The following RABGAP1L variants were observed in gnomAD, a reference collection of about 807,000 sequenced individuals.
The protein encoded by RABGAP1L is rab GTPase-activating protein 1-like.
A neutral mutation model predicts 137.7 loss-of-function variants in RABGAP1L; 63 were observed. The ratio of observed to expected loss-of-function variants is 0.46; its 90% CI spans 0.37 to 0.56. The LOEUF is 0.56. Among genes scored for constraint, RABGAP1L ranks in the 20% least tolerant of loss-of-function variants. RABGAP1L has a pLI of 0.00. For synonymous variants in RABGAP1L, 431 were observed against 433.7 expected (o/e 0.99, Z 0.08); for missense variants, 1,095 against 1,244.0 (o/e 0.88, Z 1.80).
At chr1:174,792,558 A>G (rs973096630) in intron 18 of RABGAP1L, among the ~76,000 whole-genome samples, 1 of 152,230 alleles carries the variant, frequency 6.6e-6, no homozygotes, top group Non-Finnish European at 1.5e-5. Context: ...AACAAAGGGA[A>G]CAGGAGGAAA....
chr1:174,352,229 T>A (rs972576776), intron 11 of RABGAP1L, among the ~76,000 whole-genome samples: 2 of 152,198 alleles, frequency 1.3e-5, no homozygotes, highest in East Asian at 3.8e-4. Context: ...TTTCTAGACC[T>A]TGTAGTTATG....
intron 15 of RABGAP1L, among the ~76,000 whole-genome samples, chr1:174,686,383 A>T (rs1463695326): frequency 6.6e-6 from 1 of 151,842 alleles, no homozygotes; most frequent in Non-Finnish European, 1.5e-5. Flanking sequence ...TGATTTCTCT[A>T]CATCTCACCT....
chr1:174,522,515 A>G (rs906927722), intron 13 of RABGAP1L, among the ~76,000 whole-genome samples: 1 of 151,996 alleles, frequency 6.6e-6, no homozygotes, highest in East Asian at 1.9e-4. Flanking sequence ...GACCTTGTCT[A>G]GAAAAGAAAA....
At chr1:174,235,038 G>T (rs1394262865) in intron 4 of RABGAP1L, among the ~76,000 whole-genome samples, 1 of 134,222 alleles carries the variant, frequency 7.5e-6, no homozygotes, top group East Asian at 2.1e-4. Context: ...AATTGTGAAT[G>T]GGAGTTCACT....
chr1:174,538,130 C>G (rs921757771), intron 13 of RABGAP1L, among the ~76,000 whole-genome samples: 3 of 152,176 alleles, frequency 2.0e-5, no homozygotes, highest in African/African-American at 7.2e-5. Context: ...GTACAACAAT[C>G]TCTGAACCCT....
Position 174,448,611 on chromosome 1 carries a change from T to C in RABGAP1L, c.1710+54466T>C, listed in dbSNP as rs1222014229. The stretch of plus-strand genomic sequence containing the variant: ...AGAATTTGCATTATTTTGATCTGGA[T>C]CTACTCCTGCCTAATTTTCTTGCCT... On this transcript the variant is annotated intron_variant, in intron 13 of 25. Transcript: ENST00000681986. The surrounding 1 kb of genome is among the most constrained non-coding windows in gnomAD (Gnocchi z 4.2). 2.5e-6 allele frequency: 4 copies of C among 1,613,926 alleles called. No homozygotes were observed. In the East Asian group the frequency reaches 6.7e-5, roughly 27 times the overall value.
At chr1:174,838,672 G>A (rs931843818) in intron 19 of RABGAP1L, among the ~76,000 whole-genome samples, 3 of 152,022 alleles carry the variant, frequency 2.0e-5, no homozygotes, top group Non-Finnish European at 4.4e-5. Context: ...GCTCACGCTT[G>A]TAATCCCAGC....
intron 14 of RABGAP1L, among the ~76,000 whole-genome samples, chr1:174,651,702 A>G (rs1164527026): frequency 1.3e-5 from 2 of 151,980 alleles, no homozygotes; most frequent in African/African-American, 2.4e-5. Flanking sequence ...ATCTTCCTCC[A>G]TCCTTCTGTT....
At chr1:174,458,571 C>T (rs968014269) in intron 13 of RABGAP1L, among the ~76,000 whole-genome samples, 15 of 151,984 alleles carry the variant, frequency 9.9e-5, no homozygotes, top group Non-Finnish European at 2.2e-4. Context: ...AGCTATATAC[C>T]TGTCTGTAAA....
At chr1:174,936,876 A>G (rs192029333) in intron 19 of RABGAP1L, among the ~76,000 whole-genome samples, 147 of 152,136 alleles carry the variant, frequency 9.7e-4, no homozygotes, top group African/African-American at 3.2e-3. Context: ...ATGTTACACT[A>G]TAAGTGACAT....
rs1558046034 is a variant in RABGAP1L at position 174,753,100 on chromosome 1, T to C, written c.2211+746T>C. ...TGCTTCTAATTTCAGCCCTACCATA[T>C]GACCTTAGGCAAATTTTTCTAAGTG... is the stretch of plus-strand genomic sequence containing the variant. On this transcript the variant is annotated intron_variant, in intron 18 of 25. Coordinates refer to ENST00000681986, the MANE Select transcript of RABGAP1L (RefSeq NM_001366446.1). Among the ~76,000 whole-genome samples, 5 of 152,338 alleles carry C rather than the reference T, an allele frequency of 3.3e-5. No individual in the cohort carries two copies. The South Asian group carries it at 6.2e-4, about 19-fold the overall frequency.
rs1009251045 is a variant in RABGAP1L at position 174,978,865 on chromosome 1, C to T, written c.2708C>T (p.Thr903Ile). The T allele has an allele frequency of 6.5e-7, 1 of 1,545,016 alleles. No homozygotes were observed. The highest frequency in any genetic ancestry group is 1.4e-5 in the African/African-American group (1 of 72,488). Residue 903 changes from threonine (T) to isoleucine (I), a missense_variant, in exon 23 of 26, where the codon ACA becomes ATA. This residue lies in a region of RABGAP1L where 312 missense variants were observed against 435.6 expected (regional missense o/e 0.72). Transcript: ENST00000681986. ...EKAEYEIKKTTAIIAEYKQIC... is the reference protein window; with the variant it reads ...EKAEYEIKKTIAIIAEYKQIC... The stretch of plus-strand genomic sequence containing the variant: ...GCAGAATATGAAATAAAGAAGACTA[C>T]AGCTATCATTGCTGAGTATAAACAG...
intron 11 of RABGAP1L, among the ~76,000 whole-genome samples, chr1:174,318,139 A>C (rs1679571169): frequency 6.6e-6 from 1 of 151,970 alleles, no homozygotes; most frequent in Non-Finnish European, 1.5e-5. Context: ...GTTCTTACAA[A>C]GGTTTTCTTT....
At chr1:174,373,702 G>C (rs1186734791) in intron 12 of RABGAP1L, among the ~76,000 whole-genome samples, 1 of 152,170 alleles carries the variant, frequency 6.6e-6, no homozygotes, top group African/African-American at 2.4e-5. Flanking sequence ...AGGAGTTAAC[G>C]ATATAGCTGG....
intron 19 of RABGAP1L, among the ~76,000 whole-genome samples, chr1:174,846,212 G>A (rs1185416212): frequency 6.9e-6 from 1 of 145,062 alleles, no homozygotes. Flanking sequence ...AGGGTTTTTT[G>A]TGTCTCTATT....
chr1:174,543,255 T>G (rs139147845), intron 13 of RABGAP1L, among the ~76,000 whole-genome samples: 13,667 of 152,274 alleles, frequency 0.09, 834 homozygotes, highest in East Asian at 0.22. Context: ...CACTCAGGAC[T>G]TGCTTTATGA....
intron 12 of RABGAP1L, among the ~76,000 whole-genome samples, chr1:174,385,375 G>C (rs1686673912): frequency 6.6e-6 from 1 of 152,156 alleles, no homozygotes; most frequent in South Asian, 2.1e-4. Context: ...ATAAAATCAA[G>C]ATTTTGGAGA....
At chr1:174,608,870 A>G (rs1670978100) in intron 13 of RABGAP1L, among the ~76,000 whole-genome samples, 1 of 152,206 alleles carries the variant, frequency 6.6e-6, no homozygotes, top group Admixed American at 6.5e-5. Context: ...CTATTAAAAG[A>G]TGGTAGTGCC....
At chr1:174,320,920 A>ACTT in intron 11 of RABGAP1L, among the ~76,000 whole-genome samples, 1 of 152,304 alleles carries the variant, frequency 6.6e-6, no homozygotes, top group East Asian at 1.9e-4. Flanking sequence ...AAGGGAGATA[A>ACTT]CCATTAGGTC....
Sources: allele counts gnomAD v4.1 joint callset (sites outside exome capture counted in the v4.1 genomes callset), GRCh38; gene constraint gnomAD v4.1.1; regional missense constraint gnomAD v4.1.1; non-coding constraint Gnocchi (gnomAD v3.1); transcripts MANE v1.5; gene names NCBI Gene and HGNC (gene_info 2026-07-23, HGNC 2026-07-21).